ARL3: variants seen among roughly 807,000 people sequenced by gnomAD.
ARL3 encodes the protein ADP-ribosylation factor-like protein 3.
A neutral mutation model predicts 26.0 loss-of-function variants in ARL3; 9 were observed. The ratio of observed to expected loss-of-function variants is 0.35; its 90% CI spans 0.21 to 0.60. The LOEUF (loss-of-function observed/expected upper bound fraction) is 0.60, where lower values mean the gene tolerates loss of function less well. ARL3 is among the 20% of genes least tolerant of loss of function. The probability of loss-of-function intolerance (pLI) is 0.78; values close to 1 mark genes in which losing one functional copy is unlikely to be tolerated. For synonymous variants in ARL3, 71 were observed against 78.4 expected (o/e 0.91, Z 0.50); for missense variants, 158 against 215.7 (o/e 0.73, Z 1.67).
intron 4 of ARL3, among the ~76,000 whole-genome samples, 192 bp downstream of exon 4, chr10:102,689,701 C>G (rs2136000215): frequency 6.6e-6 from 1 of 151,716 alleles, no homozygotes; most frequent in Non-Finnish European, 1.5e-5. Context: ...CGTGGTGGTG[C>G]ATGCTAATTC....
chr10:102,708,909 T>TATATATATATATATATA (rs561344200), intron 1 of ARL3, among the ~76,000 whole-genome samples: 55 of 80,372 alleles, frequency 6.8e-4, no homozygotes, highest in African/African-American at 2.6e-3. Flanking sequence ...TATATATATA[T>TATATATATATATATATA]TTTTTTTTTT....
chr10:102,688,499 C>CT (rs61629496), intron 4 of ARL3, among the ~76,000 whole-genome samples: 24 of 92,060 alleles, frequency 2.6e-4, no homozygotes, highest in African/African-American at 4.8e-4. Context: ...TTTTAAAAAA[C>CT]TTTTTTTTTT....
intron 5 of ARL3, among the ~76,000 whole-genome samples, chr10:102,682,924 A>C (rs1309254268): frequency 6.6e-6 from 1 of 152,162 alleles, no homozygotes; most frequent in Middle Eastern, 3.2e-3. Context: ...GGAGGAAAAA[A>C]ACAGGAATTT....
At chr10:102,698,988 C>T (rs916620026) in intron 3 of ARL3, among the ~76,000 whole-genome samples, 1 of 152,200 alleles carries the variant, frequency 6.6e-6, no homozygotes, top group Non-Finnish European at 1.5e-5. Flanking sequence ...CCACTCCTTA[C>T]ACATCATGGT....
At chr10:102,679,768 G>T (rs568726205) in intron 5 of ARL3, among the ~76,000 whole-genome samples, 2 of 152,308 alleles carry the variant, frequency 1.3e-5, no homozygotes, top group South Asian at 4.1e-4. Context: ...TGGGCTGTGG[G>T]TATCTGTATA....
chr10:102,681,678 A>C (rs761747864), intron 5 of ARL3, among the ~76,000 whole-genome samples: 4 of 152,120 alleles, frequency 2.6e-5, no homozygotes, highest in Non-Finnish European at 5.9e-5. Flanking sequence ...GGTGGCCTGG[A>C]GAGCAGCACC....
intron 5 of ARL3, 123 bp from the exon 6 acceptor site, chr10:102,677,064 G>T: frequency 8.9e-7 from 1 of 1,129,746 alleles, no homozygotes; most frequent in Non-Finnish European, 1.3e-6. Context: ...GCTTTAGGGA[G>T]TTTGCTTGGC....
At chr10:102,709,766 C>T (rs1255420530) in intron 1 of ARL3, among the ~76,000 whole-genome samples, 1 of 151,720 alleles carries the variant, frequency 6.6e-6, no homozygotes, top group African/African-American at 2.4e-5. Context: ...AGTGCAGTGG[C>T]TCATGCCTGT....
chr10:102,713,285 C>G (rs972921801), intron 1 of ARL3, among the ~76,000 whole-genome samples: 5 of 152,158 alleles, frequency 3.3e-5, no homozygotes, highest in Non-Finnish European at 7.3e-5. Flanking sequence ...CTCCCTCCAA[C>G]TAACTGTACA....
rs187584169 is a variant in ARL3, at chr10:102,695,670, G to A, written c.264+3703C>T. Among the ~76,000 whole-genome samples, 44 of 151,954 alleles carry A rather than the reference G, an allele frequency of 2.9e-4. 1 individual carries two copies. Among genetic ancestry groups the A allele is most frequent in the Admixed American group, 5.9e-4 (9 of 15,256 alleles). On this transcript the variant is annotated intron_variant, in intron 3 of 5. Coordinates refer to ENST00000260746, the MANE Select transcript of ARL3 (RefSeq NM_004311.4). ...CCTGAGTAGCTTACGGGCATGTGCC[G>A]CCACGCCCAGCTAATTTTGTATTTT... is the stretch of plus-strand genomic sequence containing the variant.
chr10:102,683,090 C>T (rs2064164532), intron 5 of ARL3, among the ~76,000 whole-genome samples: 1 of 152,118 alleles, frequency 6.6e-6, no homozygotes, highest in African/African-American at 2.4e-5. Flanking sequence ...TTCAACTAAG[C>T]AATGCTGGAA....
At chr10:102,701,454 T>C (rs2064279006) in intron 2 of ARL3, among the ~76,000 whole-genome samples, 1 of 152,208 alleles carries the variant, frequency 6.6e-6, no homozygotes, top group Admixed American at 6.5e-5. Flanking sequence ...GGAGGATAAC[T>C]GGGGATCCTG....
At chr10:102,704,812 G>A (rs1019723323) in intron 2 of ARL3, among the ~76,000 whole-genome samples, 1 of 152,050 alleles carries the variant, frequency 6.6e-6, no homozygotes, top group South Asian at 2.1e-4. Flanking sequence ...TGTGCGGGTG[G>A]GGAAGGTGGG....
intron 4 of ARL3, among the ~76,000 whole-genome samples, chr10:102,687,232 A>G (rs2064192678): frequency 6.7e-6 from 1 of 149,224 alleles, no homozygotes; most frequent in Non-Finnish European, 1.5e-5. Flanking sequence ...CAGATGATTC[A>G]CAGATCACTT....
At chr10:102,687,177 C>T (rs1244334852) in intron 4 of ARL3, among the ~76,000 whole-genome samples, 2 of 151,838 alleles carry the variant, frequency 1.3e-5, no homozygotes, top group East Asian at 2.0e-4. Context: ...CCGCGCCCGG[C>T]ATAGGAATCC....
chr10:102,676,970 G>GT lies in ARL3; in HGVS notation c.502-30dup, dbSNP rs767339397. ...TGAGGGAAATGGGCAGAGAAAGGCAGTGTTAGTTATAAGAAAAGCACCACA... is the reference window on the plus strand; with the variant it reads ...TGAGGGAAATGGGCAGAGAAAGGCAGTTGTTAGTTATAAGAAAAGCACCACA... On this transcript the variant is annotated intron_variant, in intron 5 of 5. Coordinates refer to ENST00000260746, the MANE Select transcript of ARL3 (RefSeq NM_004311.4). 5 of 1,612,232 alleles carry GT rather than the reference G, an allele frequency of 3.1e-6. No individual in the cohort carries two copies. The Admixed American group carries it at 8.3e-5, about 27-fold the overall frequency.
chr10:102,679,292 G>A (rs1296724827), intron 5 of ARL3, among the ~76,000 whole-genome samples: 1 of 152,192 alleles, frequency 6.6e-6, no homozygotes, highest in East Asian at 1.9e-4. Flanking sequence ...AGGCAATGGT[G>A]GTGCCCAAGC....
intron 3 of ARL3, among the ~76,000 whole-genome samples, chr10:102,692,956 A>G (rs1286254214): frequency 6.6e-6 from 1 of 151,948 alleles, no homozygotes; most frequent in East Asian, 1.9e-4. Flanking sequence ...TTGGCCTCCC[A>G]AACTGCTGGG....
intron 3 of ARL3, among the ~76,000 whole-genome samples, chr10:102,694,144 C>A (rs551404411): frequency 6.6e-6 from 1 of 152,192 alleles, no homozygotes; most frequent in East Asian, 1.9e-4. Context: ...CCTGCCACCG[C>A]GCCCGGCTAA....
Sources: gnomAD v4.1 joint callset for allele counts (sites outside exome capture counted in the v4.1 genomes callset) on GRCh38, gnomAD v4.1.1 for gene constraint, MANE v1.5 for transcripts, NCBI Gene and HGNC (gene_info 2026-07-23, HGNC 2026-07-21) for gene names.